ENPEP: variants seen among roughly 807,000 people sequenced by gnomAD.
The protein encoded by ENPEP is glutamyl aminopeptidase.
Under a neutral mutation model 114.5 loss-of-function variants are expected in ENPEP, and 103 were observed. The observed-to-expected ratio is 0.90, with a 90% CI of 0.77 to 1.06. The LOEUF is 1.06. Ranked by LOEUF, ENPEP falls within the 50% of genes least tolerant of loss-of-function variation. The probability of loss-of-function intolerance (pLI) is 0.00; values close to 1 mark genes in which losing one functional copy is unlikely to be tolerated. For synonymous variants in ENPEP, 420 were observed against 422.0 expected (o/e 1.00, Z 0.06); for missense variants, 1,196 against 1,161.3 (o/e 1.03, Z -0.43).
At position 110,549,609 on chromosome 4, in the gene ENPEP, G is replaced by A. The variant is rs754110973; in HGVS notation, c.2307G>A (p.Glu769=). 1.9e-6 allele frequency: 3 copies of A among 1,613,590 alleles called. No homozygotes were observed. Among genetic ancestry groups the A allele is most frequent in the South Asian group, 2.2e-5 (2 of 91,076 alleles). ...TGAACAATGCTTCCTCGTTATTTGAGCAGTGGCTAAATGGGACTGTAAGGT... is the reference window on the plus strand; with the variant it reads ...TGAACAATGCTTCCTCGTTATTTGAACAGTGGCTAAATGGGACTGTAAGGT... The part of the protein sequence containing the change: ...EALNNASSLF[E]QWLNGTVSLP... Residue 769 remains glutamate (E), a synonymous_variant, in exon 16 of 20, where the codon GAG becomes GAA. Transcript: ENST00000265162.
intron 11 of ENPEP, among the ~76,000 whole-genome samples, chr4:110,535,909 G>T (rs1034550830): frequency 6.6e-6 from 1 of 152,024 alleles, no homozygotes; most frequent in South Asian, 2.1e-4. Flanking sequence ...CTGGCTGAAG[G>T]CTCAGATGAT....
Position 110,476,764 on chromosome 4 carries a change from G to C in ENPEP, c.350G>C (p.Gly117Ala). Residue 117 changes from glycine to alanine, a missense_variant, in exon 1 of 20, where the codon GGC (glycine) becomes GCC (alanine). Transcript: ENST00000265162. ...KPLLEEDTYT[G>A]TVSISINLSA... ...CTGTTGGAGGAGGACACCTACACGG[G>C]CACCGTGAGCATCTCCATCAACCTG... 1 of 1,614,154 alleles carries C rather than the reference G, an allele frequency of 6.2e-7. No homozygotes were observed. Among genetic ancestry groups the C allele is most frequent in the Admixed American group, 1.7e-5 (1 of 60,022 alleles).
intron 10 of ENPEP, among the ~76,000 whole-genome samples, chr4:110,530,501 CA>C (rs1050139776): frequency 4.0e-5 from 6 of 151,344 alleles, no homozygotes; most frequent in African/African-American, 1.5e-4. Flanking sequence ...AAGAACAAAC[CA>C]AAAAAAATGA....
chr4:110,482,024 A>G (rs1411185653), intron 1 of ENPEP, among the ~76,000 whole-genome samples: 3 of 152,196 alleles, frequency 2.0e-5, no homozygotes, highest in Non-Finnish European at 4.4e-5. Flanking sequence ...GGCTAGCTAG[A>G]TATCACTGAG....
At chr4:110,519,959 A>T (rs1725920810) in intron 8 of ENPEP, 49 bp from the exon 9 acceptor site, 1 of 1,552,968 alleles carries the variant, frequency 6.4e-7, no homozygotes, top group Admixed American at 1.7e-5. Context: ...TGAAAGTATG[A>T]GAAAAGCAAA....
chr4:110,490,263 C>T (rs796521738), intron 2 of ENPEP, among the ~76,000 whole-genome samples: 2 of 152,128 alleles, frequency 1.3e-5, no homozygotes, highest in Non-Finnish European at 2.9e-5. Flanking sequence ...AGCCTGGAGC[C>T]CCACCACGAT....
chr4:110,502,373 A>G (rs905447705), intron 3 of ENPEP, among the ~76,000 whole-genome samples: 5 of 152,078 alleles, frequency 3.3e-5, no homozygotes, highest in African/African-American at 1.2e-4. Flanking sequence ...CTGGAATGGT[A>G]TTTCCTAGGT....
chr4:110,528,581 T>C (rs1198561839), intron 10 of ENPEP, among the ~76,000 whole-genome samples: 4 of 152,214 alleles, frequency 2.6e-5, no homozygotes, highest in African/African-American at 9.6e-5. Flanking sequence ...ATAATTCAAA[T>C]GGCTCACCCA....
At chr4:110,488,484 T>C (rs1724583176) in intron 1 of ENPEP, 57 bp from the exon 2 acceptor site, 1 of 1,520,292 alleles carries the variant, frequency 6.6e-7, no homozygotes. Context: ...AATAGAGACA[T>C]AGGGGTTGTC....
At chr4:110,543,211 C>G in intron 13 of ENPEP, 141 bp downstream of exon 13, 1 of 805,612 alleles carries the variant, frequency 1.2e-6, no homozygotes, top group Non-Finnish European at 2.0e-6. Flanking sequence ...TATTGTTTTC[C>G]TTAACTCTCT....
At chr4:110,548,114 G>C in intron 13 of ENPEP, 62 bp from the exon 14 acceptor site, 1 of 1,354,606 alleles carries the variant, frequency 7.4e-7, no homozygotes, top group Non-Finnish European at 9.5e-7. Flanking sequence ...GGAAACTAAA[G>C]TCTGTGGTTT....
At position 110,520,301 on chromosome 4, in the gene ENPEP, C is replaced by T. The variant is rs1725938603; in HGVS notation, c.1662C>T (p.Asn554=). 1 of 1,614,074 alleles carries T rather than the reference C, an allele frequency of 6.2e-7. No homozygotes were observed. Among genetic ancestry groups the T allele is most frequent in the Non-Finnish European group, 8.5e-7 (1 of 1,179,946 alleles). The change falls in exon 10 of 20, where the codon AAC becomes AAT. Residue 554 remains asparagine, a synonymous_variant. Transcript: ENST00000265162. ...YPVLNVNGVK[N]ITQKRFLLDP... ...TGCTTAACGTGAACGGTGTCAAGAA[C>T]ATCACACAGAAACGCTTTTTGTTGG...
chr4:110,516,648 T>G (rs1725781334), intron 8 of ENPEP, among the ~76,000 whole-genome samples: 1 of 152,300 alleles, frequency 6.6e-6, no homozygotes, highest in African/African-American at 2.4e-5. Flanking sequence ...TCAAGCCTTC[T>G]TATGTGGCAT....
chr4:110,500,735 A>T (rs532086359), intron 3 of ENPEP, among the ~76,000 whole-genome samples: 3 of 152,318 alleles, frequency 2.0e-5, no homozygotes, highest in Non-Finnish European at 1.5e-5. Context: ...TTAAAAAATC[A>T]TCTCAGTAAA....
chr4:110,526,633 A>T (rs934352743), intron 10 of ENPEP, among the ~76,000 whole-genome samples: 1 of 152,160 alleles, frequency 6.6e-6, no homozygotes, highest in Non-Finnish European at 1.5e-5. Context: ...TAGTATGCAA[A>T]TTTAAGGATT....
chr4:110,559,722 G>A lies in ENPEP; in HGVS notation c.2718G>A (p.Trp906Ter). 1 of 1,612,356 alleles carries A rather than the reference G, an allele frequency of 6.2e-7. No homozygotes were observed. The highest frequency in any genetic ancestry group is 8.5e-7 in the Non-Finnish European group (1 of 1,178,658). ...CATTCAACACTGAACTGCAACTGTG[G>A]CAGGTATGAAGATAAATTCCTCTGC... ...AEPFNTELQL[W>*]QMESFFAKYP... Residue 906 changes from tryptophan (W) to a stop codon, truncating the protein, a stop_gained, in exon 19 of 20, where the codon TGG becomes TGA. Coordinates refer to ENST00000265162, the MANE Select transcript of ENPEP (RefSeq NM_001977.4). LOFTEE classifies it low-confidence loss of function (END_TRUNC).
At chr4:110,489,401 C>T (rs1437867758) in intron 2 of ENPEP, among the ~76,000 whole-genome samples, 1 of 151,982 alleles carries the variant, frequency 6.6e-6, no homozygotes, top group African/African-American at 2.4e-5. Flanking sequence ...AACACCAAGG[C>T]CTGTCAAGGG....
chr4:110,504,085 C>T (rs1221475461), intron 3 of ENPEP, among the ~76,000 whole-genome samples: 7 of 152,192 alleles, frequency 4.6e-5, no homozygotes, highest in Non-Finnish European at 1.0e-4. Context: ...CTTTATGCTC[C>T]TTCTGCAGCC....
chr4:110,486,465 T>A (rs1179655002), intron 1 of ENPEP, among the ~76,000 whole-genome samples: 2 of 152,170 alleles, frequency 1.3e-5, no homozygotes, highest in African/African-American at 4.8e-5. Context: ...AGCAGGTTCT[T>A]TTTCATCTTA....
Sources: gnomAD v4.1 joint callset for allele counts (sites outside exome capture counted in the v4.1 genomes callset) on GRCh38, gnomAD v4.1.1 for gene constraint, MANE v1.5 for transcripts, NCBI Gene and HGNC (gene_info 2026-07-23, HGNC 2026-07-21) for gene names.